The following ATP8B4 variants were observed in gnomAD, a reference collection of about 807,000 sequenced individuals.
ATP8B4 encodes probable phospholipid-transporting ATPase IM.
In ATP8B4, 133 loss-of-function variants were observed where a neutral mutation model predicts 145.6. That is an observed-to-expected ratio of 0.91 (90% CI 0.79 to 1.05). The LOEUF (loss-of-function observed/expected upper bound fraction) is 1.05. Among genes scored for constraint, ATP8B4 ranks in the 50% least tolerant of loss-of-function variants. The pLI is 0.00. For missense variants in ATP8B4, 1,458 were observed against 1,425.2 expected (o/e 1.02, Z -0.37); for synonymous variants, 507 against 492.9 (o/e 1.03, Z -0.38).
intron 26 of ATP8B4, among the ~76,000 whole-genome samples, chr15:49,863,809 T>G (rs552876637): frequency 6.6e-6 from 1 of 152,106 alleles, no homozygotes; most frequent in African/African-American, 2.4e-5. Flanking sequence ...TGCTAGCTAC[T>G]AAGGAAAAAA....
chr15:50,098,322 C>T (rs1025919231), intron 2 of ATP8B4, among the ~76,000 whole-genome samples: 2 of 112,742 alleles, frequency 1.8e-5, no homozygotes, highest in Non-Finnish European at 3.3e-5. Flanking sequence ...GATAGGGTCT[C>T]ACTCTGTCAC....
chr15:50,006,440 T>C (rs1334878307), intron 7 of ATP8B4, among the ~76,000 whole-genome samples: 1 of 138,158 alleles, frequency 7.2e-6, no homozygotes, highest in African/African-American at 2.8e-5. Context: ...CAAGCAACTC[T>C]GACGTGAAGT....
intron 1 of ATP8B4, among the ~76,000 whole-genome samples, chr15:50,114,103 C>CTTTCTTTTTTTTTTTT (rs1555494034): frequency 5.4e-5 from 3 of 55,648 alleles, no homozygotes; most frequent in African/African-American, 2.0e-4. Flanking sequence ...CTCCTAGTTT[C>CTTTCTTTTTTTTTTTT]TTTTTTTTTT....
intron 17 of ATP8B4, among the ~76,000 whole-genome samples, chr15:49,922,808 T>C (rs983701833): frequency 5.9e-5 from 9 of 152,182 alleles, no homozygotes; most frequent in Non-Finnish European, 1.5e-5. Context: ...AGAAAGCTTT[T>C]GGAAAGAAAT....
At chr15:50,159,822 T>C (rs1258689915) in intron 1 of ATP8B4, among the ~76,000 whole-genome samples, 2 of 152,162 alleles carry the variant, frequency 1.3e-5, no homozygotes, top group African/African-American at 4.8e-5. Context: ...CTGGAATAAA[T>C]CCCACTTGGT....
intron 2 of ATP8B4, 115 bp downstream of exon 2, chr15:50,106,824 T>A: frequency 9.9e-7 from 1 of 1,005,180 alleles, no homozygotes; most frequent in Non-Finnish European, 1.4e-6. Context: ...CGAAGTTCAC[T>A]GAGCTGAACA....
intron 7 of ATP8B4, among the ~76,000 whole-genome samples, chr15:50,008,429 C>A (rs1028776789): frequency 2.0e-5 from 3 of 152,096 alleles, no homozygotes; most frequent in Non-Finnish European, 4.4e-5. Context: ...TCATGGGAAC[C>A]ACCATAAAAG....
chr15:49,948,327 T>C (rs1177625193), intron 14 of ATP8B4, among the ~76,000 whole-genome samples: 2 of 150,020 alleles, frequency 1.3e-5, no homozygotes, highest in Non-Finnish European at 3.0e-5. Context: ...CACTCGCCTG[T>C]AGTCCCAGCT....
At chr15:49,947,784 C>G (rs539275221) in intron 14 of ATP8B4, among the ~76,000 whole-genome samples, 1 of 151,886 alleles carries the variant, frequency 6.6e-6, no homozygotes, top group Admixed American at 6.6e-5. Flanking sequence ...CAGACACAGA[C>G]CAGTGGAATA....
At chr15:49,897,140 AC>A in intron 23 of ATP8B4, 151 bp downstream of exon 23, 1 of 686,486 alleles carries the variant, frequency 1.5e-6, no homozygotes, top group Non-Finnish European at 2.4e-6. Flanking sequence ...GCTCAAGTCA[AC>A]TATCAATTAC....
At chr15:49,967,405 A>T (rs1477021587) in intron 13 of ATP8B4, among the ~76,000 whole-genome samples, 1 of 152,202 alleles carries the variant, frequency 6.6e-6, no homozygotes, top group Non-Finnish European at 1.5e-5. Flanking sequence ...AGCTAGAATA[A>T]CCAGTTGGGA....
intron 2 of ATP8B4, among the ~76,000 whole-genome samples, chr15:50,088,886 A>G (rs1397525327): frequency 6.6e-6 from 1 of 152,190 alleles, no homozygotes; most frequent in Non-Finnish European, 1.5e-5. Context: ...CAATAAGTGA[A>G]TGAATGGTTT....
Position 50,176,845 on chromosome 15 carries a change from T to C in ATP8B4, c.-43+5416A>G, listed in dbSNP as rs74014926. On this transcript the variant is annotated intron_variant, in intron 1 of 3. Transcript: ENST00000558829. ...GACTGTGTAGCAAGCACAACTGGGA[T>C]GCCAATGCAAGGGTTTCCTGCTCTG... Among the ~76,000 whole-genome samples, 205 of 152,338 alleles carry C rather than the reference T, an allele frequency of 1.3e-3. 1 individual carries two copies. Among genetic ancestry groups the C allele is most frequent in the African/African-American group, 4.8e-3 (201 of 41,576 alleles).
intron 14 of ATP8B4, among the ~76,000 whole-genome samples, chr15:49,945,838 A>G (rs1286389096): frequency 6.6e-6 from 1 of 152,204 alleles, no homozygotes; most frequent in East Asian, 1.9e-4. Context: ...AAGAAACAGC[A>G]GAAAAATACC....
At chr15:50,172,974 C>T (rs948020872) in intron 1 of ATP8B4, among the ~76,000 whole-genome samples, 2 of 149,074 alleles carry the variant, frequency 1.3e-5, no homozygotes, top group Non-Finnish European at 3.0e-5. Context: ...AGGTGGGGGG[C>T]AGCCCCCGCC....
Position 49,860,272 on chromosome 15 carries a change from A to G in ATP8B4, c.3501T>C (p.Thr1167=), listed in dbSNP as rs2031388022. The G allele has an allele frequency of 6.2e-7, 1 of 1,614,120 alleles. No homozygotes were observed. The highest frequency in any genetic ancestry group is 8.5e-7 in the Non-Finnish European group (1 of 1,179,984). Residue 1167 remains threonine (T), a synonymous_variant, in exon 28 of 28, where the codon ACT becomes ACC. Transcript: ENST00000284509. ...SGLEKTHYNS[T]SWIENLCKKT... is the part of the protein sequence containing the mutation. Reference sequence around the variant, plus strand: ...TCTTACATAAATTTTCAATCCAGCTAGTGCTATTATAATGTGTCTTTTCCA... The same window carrying G: ...TCTTACATAAATTTTCAATCCAGCTGGTGCTATTATAATGTGTCTTTTCCA...
intron 14 of ATP8B4, among the ~76,000 whole-genome samples, chr15:49,939,160 CAATT>C (rs2041963316): frequency 1.3e-5 from 2 of 151,474 alleles, no homozygotes; most frequent in African/African-American, 4.9e-5. Context: ...AGAAAGATCT[CAATT>C]AATGACTTAA....
At chr15:50,080,681 C>T (rs1020627182) in intron 2 of ATP8B4, among the ~76,000 whole-genome samples, 2 of 151,978 alleles carry the variant, frequency 1.3e-5, no homozygotes, top group African/African-American at 4.8e-5. Flanking sequence ...AATCCTCCCA[C>T]CTTGGCCTCC....
intron 24 of ATP8B4, among the ~76,000 whole-genome samples, chr15:49,878,914 A>G (rs1205125917): frequency 3.3e-5 from 5 of 152,188 alleles, no homozygotes. Flanking sequence ...GTTCCAACCT[A>G]GCCCCATGAT....
Sources: allele counts gnomAD v4.1 joint callset (sites outside exome capture counted in the v4.1 genomes callset), GRCh38; gene constraint gnomAD v4.1.1; transcripts MANE v1.5; gene names NCBI Gene and HGNC (gene_info 2026-07-23, HGNC 2026-07-21).